SHCBP1L: variants seen among roughly 807,000 people sequenced by gnomAD.
SHCBP1L encodes the protein testicular spindle-associated protein SHCBP1L.
Under a neutral mutation model 62.5 loss-of-function variants are expected in SHCBP1L, and 67 were observed. The observed-to-expected ratio is 1.07, with a 90% CI of 0.88 to 1.31. The LOEUF (loss-of-function observed/expected upper bound fraction) is 1.31, where lower values mean the gene tolerates loss of function less well. SHCBP1L is among the 40% of genes most tolerant of loss of function. SHCBP1L has a pLI of 0.00. For missense variants in SHCBP1L, 823 were observed against 809.8 expected, an observed-to-expected ratio of 1.02 and a Z score of -0.20; for synonymous variants, 284 against 289.4, an observed-to-expected ratio of 0.98 and a Z score of 0.19.
chr1:182,932,465 T>C (rs1367699845), intron 5 of SHCBP1L, among the ~76,000 whole-genome samples: 3 of 151,462 alleles, frequency 2.0e-5, no homozygotes, highest in Non-Finnish European at 4.4e-5. Flanking sequence ...TTTATGGAAT[T>C]TTATTATTTA....
chr1:182,935,088 T>A (rs531673950), intron 5 of SHCBP1L, among the ~76,000 whole-genome samples: 1 of 152,288 alleles, frequency 6.6e-6, no homozygotes, highest in African/African-American at 2.4e-5. Flanking sequence ...TACCATACTG[T>A]CTTGATTACT....
intron 6 of SHCBP1L, among the ~76,000 whole-genome samples, chr1:182,922,797 G>A (rs555042982): frequency 6.6e-6 from 1 of 152,104 alleles, no homozygotes; most frequent in Non-Finnish European, 1.5e-5. Flanking sequence ...CACATCAAAA[G>A]GTTAGAAAGA....
At chr1:182,942,438 G>T in intron 2 of SHCBP1L, 20 of 686,124 alleles carry the variant, frequency 2.9e-5, no homozygotes, top group South Asian at 2.8e-4. Flanking sequence ...GGGTGCCTGC[G>T]GGCCGTGGCG....
At chr1:182,940,179 A>G (rs575103059) in intron 3 of SHCBP1L, 150 bp downstream of exon 3, 7 of 568,434 alleles carry the variant, frequency 1.2e-5, no homozygotes, top group Middle Eastern at 4.6e-4. Context: ...TACAAATACA[A>G]TATGTTAATT....
Position 182,942,143 on chromosome 1 carries a change from G to A in SHCBP1L, c.556-1600C>T, listed in dbSNP as rs145584141. Reference sequence around the variant, plus strand: ...TTCTTTCTCTCCTGCTTCATCAGAGGCTGGACTCTCCTCAGTTTTCGTTTC... The same window carrying A: ...TTCTTTCTCTCCTGCTTCATCAGAGACTGGACTCTCCTCAGTTTTCGTTTC... On this transcript the variant is annotated intron_variant, in intron 2 of 9. Coordinates refer to ENST00000367547, the MANE Select transcript of SHCBP1L (RefSeq NM_030933.4). 2.0e-3 allele frequency: 1,851 copies of A among 926,456 alleles called. 18 individuals carry two copies. The African/African-American group carries it at 0.024, about 12-fold the overall frequency. The allele number at this position is 926,456 out of a possible 1,614,324, so 57.4% of individuals were successfully genotyped here.
Position 182,940,404 on chromosome 1 carries a change from GGC to G in SHCBP1L, c.693_694del (p.Pro232SerfsTer8). 1 of 1,613,948 alleles carries G rather than the reference GGC, an allele frequency of 6.2e-7. No homozygotes were observed. The highest frequency in any genetic ancestry group is 1.1e-5 in the South Asian group (1 of 91,084). On this transcript the variant is annotated frameshift_variant, in exon 3 of 10. Coordinates refer to ENST00000367547, the MANE Select transcript of SHCBP1L (RefSeq NM_030933.4). LOFTEE classifies it high-confidence loss of function. ...CTCAACAGGATACACTTCCAAAAGA[GGC>G]ACACTGTGTTCCAGTTCCTCCAAAA...
In SHCBP1L at chr1:182,900,109, C is replaced by T; in HGVS notation, c.1836G>A (p.Arg612=). Residue 612 remains arginine, a synonymous_variant, in exon 10 of 10, where the codon AGG becomes AGA. Transcript: ENST00000367547. ...FIVAEEALNK[R]ASSGDKKDDK... is the part of the protein sequence containing the mutation. ...CATCTTTTTTATCTCCTGAAGAAGC[C>T]CTTTTGTTGAGAGCTTCTTCTGCTA... The T allele has an allele frequency of 6.2e-7, 1 of 1,612,336 alleles. No individual in the cohort carries two copies. The highest frequency in any genetic ancestry group is 8.5e-7 in the Non-Finnish European group (1 of 1,179,152).
intron 7 of SHCBP1L, 104 bp from the exon 8 acceptor site, chr1:182,904,534 CGTGTGT>C (rs61031217): frequency 0.049 from 29,283 of 594,790 alleles, 101 homozygotes; most frequent in East Asian, 0.07. Flanking sequence ...TCCCTGTGTG[CGTGTGT>C]GTGTGTGTGT....
intron 5 of SHCBP1L, among the ~76,000 whole-genome samples, chr1:182,931,455 T>C (rs534951636): frequency 1.3e-5 from 2 of 152,334 alleles, no homozygotes; most frequent in East Asian, 1.9e-4. Flanking sequence ...CACAAATGTA[T>C]ATATGTTTTT....
intron 3 of SHCBP1L, 58 bp from the exon 4 acceptor site, chr1:182,939,611 C>CT: frequency 8.3e-7 from 1 of 1,207,826 alleles, no homozygotes; most frequent in South Asian, 1.4e-5. Flanking sequence ...TGATTTAGAG[C>CT]TAAATGGATA....
intron 2 of SHCBP1L, among the ~76,000 whole-genome samples, chr1:182,941,051 A>T (rs1424049629): frequency 6.6e-6 from 1 of 152,150 alleles, no homozygotes; most frequent in Non-Finnish European, 1.5e-5. Context: ...AAATTTTGCC[A>T]TAAAAGCATG....
intron 6 of SHCBP1L, among the ~76,000 whole-genome samples, chr1:182,912,454 G>A (rs1040418426): frequency 2.6e-5 from 4 of 152,052 alleles, no homozygotes; most frequent in Non-Finnish European, 2.9e-5. Flanking sequence ...CTGGAGGAGG[G>A]CATGGGAGCT....
chr1:182,939,213 A>G lies in SHCBP1L; in HGVS notation c.1039T>C (p.Cys347Arg). 2 of 1,613,406 alleles carry G rather than the reference A, an allele frequency of 1.2e-6. No individual in the cohort carries two copies. Among genetic ancestry groups the G allele is most frequent in the Non-Finnish European group, 1.7e-6 (2 of 1,179,806 alleles). ...WKKYYEIVML[C>R]GLLKMWEDLR... ...TCTTCCCACATTTTCAGTAATCCAC[A>G]GAGCATGACTATCTCATAGTATTTT... The change falls in exon 5 of 10, where the codon TGT becomes CGT. Residue 347 changes from cysteine to arginine, a missense_variant. By Grantham distance (180) the Cys-to-Arg change is radical. Coordinates refer to ENST00000367547, the MANE Select transcript of SHCBP1L (RefSeq NM_030933.4).
At chr1:182,930,889 C>CT (rs564364700) in intron 5 of SHCBP1L, among the ~76,000 whole-genome samples, 6,337 of 114,248 alleles carry the variant, frequency 0.055, 291 homozygotes, top group African/African-American at 0.11. Flanking sequence ...CCTTGCCTGG[C>CT]TTTTTTTTTT....
At position 182,953,108 on chromosome 1, in the gene SHCBP1L, A is replaced by G. The variant is rs1191328298; in HGVS notation, c.26T>C (p.Val9Ala). The G allele has an allele frequency of 6.3e-7, 1 of 1,575,272 alleles. No individual in the cohort carries two copies. MASGSKAS[V>A]PADSFRTISP... ...GATGGTGCGGAATGAGTCCGCGGGC[A>G]CCGAGGCCTTGGAGCCCGACGCCAT... The change falls in exon 1 of 10, where the codon GTG (valine) becomes GCG (alanine). Residue 9 changes from valine to alanine, a missense_variant. Val to Ala is a moderately conservative substitution (Grantham distance 64). Transcript: ENST00000367547.
chr1:182,942,169 C>A, intron 2 of SHCBP1L: 2 of 1,054,366 alleles, frequency 1.9e-6, no homozygotes, highest in Non-Finnish European at 3.0e-6. Flanking sequence ...TTTTCGTTTC[C>A]CCATTTTCTG....
At position 182,952,862 on chromosome 1, in the gene SHCBP1L, T is replaced by TCCTCCGCCGCCG; in HGVS notation, c.260_271dup (p.Ala87_Glu90dup). ...ATCCTCAGGCACTGGCAGCAGGGGC[T>TCCTCCGCCGCCG]CCTCCGCCGCCGCCGCCGCCGCCTC... On this transcript the variant is annotated inframe_insertion, in exon 1 of 10. Coordinates refer to ENST00000367547, the MANE Select transcript of SHCBP1L (RefSeq NM_030933.4). 1 of 1,604,146 alleles carries TCCTCCGCCGCCG rather than the reference T, an allele frequency of 6.2e-7. No individual in the cohort carries two copies. The highest frequency in any genetic ancestry group is 8.5e-7 in the Non-Finnish European group (1 of 1,176,518).
chr1:182,915,982 A>G (rs1380182537), intron 6 of SHCBP1L, among the ~76,000 whole-genome samples: 1 of 151,788 alleles, frequency 6.6e-6, no homozygotes, highest in Non-Finnish European at 1.5e-5. Flanking sequence ...AATTTTTTGT[A>G]TTTTTAGTGG....
chr1:182,930,035 T>C (rs902622671), intron 5 of SHCBP1L, among the ~76,000 whole-genome samples: 2 of 152,128 alleles, frequency 1.3e-5, no homozygotes, highest in Admixed American at 6.5e-5. Flanking sequence ...ACCTCAACCT[T>C]CCAATACAGT....
Sources: allele counts gnomAD v4.1 joint callset (sites outside exome capture counted in the v4.1 genomes callset), GRCh38; gene constraint gnomAD v4.1.1; transcripts MANE v1.5; gene names NCBI Gene and HGNC (gene_info 2026-07-23, HGNC 2026-07-21).